The following DPF3 variants were observed in gnomAD, a reference collection of about 807,000 sequenced individuals.
DPF3 encodes double PHD fingers 3, also known as zinc finger protein DPF3.
Under a neutral mutation model 56.8 loss-of-function variants are expected in DPF3, and 18 were observed. The observed-to-expected ratio is 0.32, with a 90% CI of 0.22 to 0.47. The LOEUF is 0.47. DPF3 is among the 20% of genes least tolerant of loss of function. The pLI is 1.00. For missense variants in DPF3, 403 were observed against 488.8 expected (o/e 0.82, Z 1.65); for synonymous variants, 188 against 180.2 (o/e 1.04, Z -0.35).
chr14:72,676,486 T>C (rs904518492), intron 7 of DPF3, among the ~76,000 whole-genome samples: 7 of 152,210 alleles, frequency 4.6e-5, no homozygotes, highest in African/African-American at 1.7e-4. Context: ...GTATAAAAGC[T>C]TGCAGATTAA....
rs182047439 is a variant in DPF3 at position 72,860,344 on chromosome 14, G to T, written c.32+33713C>A. Among the ~76,000 whole-genome samples, 343 of 152,116 alleles carry T rather than the reference G, an allele frequency of 2.3e-3. 1 individual carries two copies. Among genetic ancestry groups the T allele is most frequent in the African/African-American group, 8.1e-3 (336 of 41,496 alleles). On this transcript the variant is annotated intron_variant, in intron 1 of 10. Coordinates refer to ENST00000556509, the MANE Select transcript of DPF3 (RefSeq NM_001280542.3). The stretch of plus-strand genomic sequence containing the variant: ...ACTACAGGCACAAGCCAACATGCCT[G>T]TCTTATTTTGTTTTACTTTTTGTAG...
intron 1 of DPF3, chr14:72,836,441 T>G (rs1696389353): frequency 1.0e-6 from 1 of 985,504 alleles, no homozygotes; most frequent in African/African-American, 1.7e-5. Flanking sequence ...CCTCCATGCC[T>G]CCCTGCTCCT....
chr14:72,785,058 G>A (rs900173455), intron 1 of DPF3, among the ~76,000 whole-genome samples: 2 of 152,094 alleles, frequency 1.3e-5, no homozygotes, highest in Admixed American at 1.3e-4. Flanking sequence ...GGCCAAGGCA[G>A]GAGAATCACT....
chr14:72,803,196 C>G (rs769291009), intron 1 of DPF3, among the ~76,000 whole-genome samples: 1 of 152,250 alleles, frequency 6.6e-6, no homozygotes, highest in East Asian at 1.9e-4. Flanking sequence ...CATCCAGTGG[C>G]CTTTCTGTCC....
chr14:72,703,687 C>G (rs1325955173), intron 6 of DPF3, among the ~76,000 whole-genome samples: 1 of 152,186 alleles, frequency 6.6e-6, no homozygotes, highest in African/African-American at 2.4e-5. Context: ...GTTTCCTCGT[C>G]TGTAAAACAA....
intron 3 of DPF3, among the ~76,000 whole-genome samples, chr14:72,739,456 C>T (rs900734459): frequency 1.3e-5 from 2 of 152,158 alleles, no homozygotes; most frequent in Non-Finnish European, 2.9e-5. Flanking sequence ...GTGAGATGCT[C>T]AATAAGTATG....
At chr14:72,649,272 C>G (rs1422751770) in intron 8 of DPF3, among the ~76,000 whole-genome samples, 3 of 151,990 alleles carry the variant, frequency 2.0e-5, no homozygotes, top group African/African-American at 7.2e-5. Flanking sequence ...TGATGAGTAC[C>G]CTGCCAGCCA....
At chr14:72,751,087 A>T (rs989508294) in intron 3 of DPF3, among the ~76,000 whole-genome samples, 1 of 152,152 alleles carries the variant, frequency 6.6e-6, no homozygotes, top group African/African-American at 2.4e-5. Flanking sequence ...CACACTGAGG[A>T]GGCCAAGGTG....
Position 72,617,195 on chromosome 14 carries a change from G to T in DPF3, c.*2102C>A, listed in dbSNP as rs1884139234. ...ACAAATTTGCACATACTCTGAAGAG[G>T]ACGTGTGAAGTTGTAGAGCCACAGT... is the stretch of plus-strand genomic sequence containing the variant. On this transcript the variant is annotated 3_prime_UTR_variant, in exon 11 of 11. Coordinates refer to ENST00000556509, the MANE Select transcript of DPF3 (RefSeq NM_001280542.3). Among the ~76,000 whole-genome samples, 1 of 152,226 alleles carries T rather than the reference G, an allele frequency of 6.6e-6. No individual in the cohort carries two copies. The highest frequency in any genetic ancestry group is 6.5e-5 in the Admixed American group (1 of 15,284).
chr14:72,708,966 G>A lies in DPF3; in HGVS notation c.604+5457C>T, dbSNP rs537857053. Among the ~76,000 whole-genome samples the A allele has an allele frequency of 7.2e-5, 11 of 152,356 alleles. No individual in the cohort carries two copies. The East Asian group carries it at 9.6e-4, about 13-fold the overall frequency. On this transcript the variant is annotated intron_variant, in intron 6 of 10. Coordinates refer to ENST00000556509, the MANE Select transcript of DPF3 (RefSeq NM_001280542.3). ...AGCCATCCCCTCACGGACAAAGGAG[G>A]AAACCAGTGCCATAGCAACTGAGGT...
intron 7 of DPF3, among the ~76,000 whole-genome samples, chr14:72,681,594 C>T (rs1403701535): frequency 6.6e-6 from 1 of 152,300 alleles, no homozygotes; most frequent in Non-Finnish European, 1.5e-5. Context: ...CTATGCCTGC[C>T]TTCTTTTCCT....
chr14:72,786,964 T>G (rs1485861784), intron 1 of DPF3, among the ~76,000 whole-genome samples: 1 of 152,248 alleles, frequency 6.6e-6, no homozygotes, highest in Non-Finnish European at 1.5e-5. Context: ...AATTTCCTCC[T>G]GTTGAGTTGC....
intron 3 of DPF3, among the ~76,000 whole-genome samples, chr14:72,741,813 ACTGGGTGATC>A (rs764058812): frequency 5.8e-4 from 88 of 152,334 alleles, no homozygotes; most frequent in Non-Finnish European, 9.3e-4. Context: ...CAATGGCATA[ACTGGGTGATC>A]CCTCAGACTC....
At chr14:72,795,719 G>A (rs1276239402) in intron 1 of DPF3, among the ~76,000 whole-genome samples, 3 of 152,156 alleles carry the variant, frequency 2.0e-5, no homozygotes, top group Non-Finnish European at 4.4e-5. Flanking sequence ...CTTTCATGCT[G>A]ACGTCAGGGA....
rs1555488400 is a variant in DPF3, at chr14:72,614,777, G to GAAAAAAAACAAA, written c.*4519_*4520insTTTGTTTTTTTT. ...CTGTTGCCCAGGATCACAAGCCTCAGAAAAAAAAAAAAGAGTTACAATCAC... is the reference window on the plus strand; with the variant it reads ...CTGTTGCCCAGGATCACAAGCCTCAGAAAAAAAACAAAAAAAAAAAAAAAGAGTTACAATCAC... On this transcript the variant is annotated 3_prime_UTR_variant, in exon 11 of 11. Transcript: ENST00000556509. Among the ~76,000 whole-genome samples the GAAAAAAAACAAA allele has an allele frequency of 2.1e-5, 2 of 96,068 alleles. No individual in the cohort carries two copies. Among genetic ancestry groups the GAAAAAAAACAAA allele is most frequent in the African/African-American group, 9.3e-5 (2 of 21,414 alleles). 63.0% of individuals were successfully genotyped at this position (96,068 alleles called of 152,430 possible).
chr14:72,685,140 T>C (rs1194258179), intron 7 of DPF3, among the ~76,000 whole-genome samples: 1 of 152,208 alleles, frequency 6.6e-6, no homozygotes, highest in East Asian at 1.9e-4. Flanking sequence ...TATTAACATG[T>C]TCATCTCTTT....
rs56764761 is a variant in DPF3 at position 72,760,689 on chromosome 14, C to T, written c.194-7318G>A. The stretch of plus-strand genomic sequence containing the variant: ...CACTAAGCAATCACTAAAATAACAA[C>T]AAAACAAGAGTTATAGTTAATAAAC... On this transcript the variant is annotated intron_variant, in intron 2 of 10. Transcript: ENST00000556509. Among the ~76,000 whole-genome samples, 347 of 151,954 alleles carry T rather than the reference C, an allele frequency of 2.3e-3. 4 individuals carry two copies. The highest frequency in any genetic ancestry group is 8.2e-3 in the African/African-American group (338 of 41,422).
chr14:72,829,069 A>C (rs992907604), intron 1 of DPF3, among the ~76,000 whole-genome samples: 3 of 152,212 alleles, frequency 2.0e-5, no homozygotes, highest in Non-Finnish European at 2.9e-5. Flanking sequence ...GCTAACTCGA[A>C]TCAAGAAGCT....
intron 5 of DPF3, among the ~76,000 whole-genome samples, chr14:72,720,613 T>G (rs1274027000): frequency 2.6e-5 from 4 of 152,240 alleles, no homozygotes; most frequent in Non-Finnish European, 5.9e-5. Context: ...AATACGACTT[T>G]TCTTTCTCTT....
Sources: allele counts gnomAD v4.1 joint callset (sites outside exome capture counted in the v4.1 genomes callset), GRCh38; gene constraint gnomAD v4.1.1; transcripts MANE v1.5; gene names NCBI Gene and HGNC (gene_info 2026-07-23, HGNC 2026-07-21).